The following CACNA1C variants were observed in gnomAD, a reference collection of about 807,000 sequenced individuals.
CACNA1C encodes voltage-dependent L-type calcium channel subunit alpha-1C.
In CACNA1C, 30 loss-of-function variants were observed where a neutral mutation model predicts 229.0. That is an observed-to-expected ratio of 0.13 (90% CI 0.10 to 0.18). The LOEUF is 0.18. Ranked by LOEUF, CACNA1C falls within the 10% of genes least tolerant of loss-of-function variation. The pLI, the probability that CACNA1C is intolerant of heterozygous loss-of-function variation, is 1.00. For missense variants in CACNA1C, 1,658 were observed against 2,845.0 expected (o/e 0.58, Z 9.49); for synonymous variants, 1,114 against 1,132.5 (o/e 0.98, Z 0.33).
In CACNA1C at chr12:2,665,063, C is replaced by G; in HGVS notation, c.4398+73C>G. On this transcript the variant is annotated intron_variant, in intron 35 of 46. Transcript: ENST00000399655. The surrounding 1 kb of genome is among the most constrained non-coding windows in gnomAD (Gnocchi z 5.9). ...CCAGGGCAGTCTGAACCGTCCATCT[C>G]TGCAGCTCATGGTCAGGGCAACCCT... 2.0e-6 allele frequency: 3 copies of G among 1,521,054 alleles called. No homozygotes were observed. Among genetic ancestry groups the G allele is most frequent in the Non-Finnish European group, 2.7e-6 (3 of 1,100,648 alleles). The allele number at this position is 1,521,054 out of a possible 1,614,324, so 94.2% of individuals were successfully genotyped here.
chr12:2,110,678 G>T (rs2081294722), intron 1 of CACNA1C, among the ~76,000 whole-genome samples: 1 of 152,178 alleles, frequency 6.6e-6, no homozygotes, highest in South Asian at 2.1e-4. Context: ...TTCGGTAGTT[G>T]TGCCACCCTG....
intron 8 of CACNA1C, among the ~76,000 whole-genome samples, chr12:2,506,017 C>T (rs911854656): frequency 6.6e-6 from 1 of 152,178 alleles, no homozygotes; most frequent in African/African-American, 2.4e-5. Flanking sequence ...ACTCCCAGCT[C>T]CTACAGCTGC....
At chr12:2,451,105 C>T (rs2099365239) in intron 4 of CACNA1C, among the ~76,000 whole-genome samples, 1 of 152,150 alleles carries the variant, frequency 6.6e-6, no homozygotes, top group African/African-American at 2.4e-5. Flanking sequence ...ACGAGGTGCA[C>T]TAAGGTTATT....
At chr12:2,023,719 T>C (rs1474856331) in intron 1 of CACNA1C, among the ~76,000 whole-genome samples, 1 of 152,190 alleles carries the variant, frequency 6.6e-6, no homozygotes, top group Non-Finnish European at 1.5e-5. Flanking sequence ...TAAGTCCAGT[T>C]TGACAAAAAT....
At chr12:2,028,544 G>A (rs1377188085) in intron 1 of CACNA1C, among the ~76,000 whole-genome samples, 1 of 152,014 alleles carries the variant, frequency 6.6e-6, no homozygotes, top group Non-Finnish European at 1.5e-5. Flanking sequence ...CTTTTATCCA[G>A]GACAAGCATG....
intron 9 of CACNA1C, among the ~76,000 whole-genome samples, chr12:2,544,448 T>C (rs1236036816): frequency 2.0e-5 from 3 of 152,260 alleles, no homozygotes; most frequent in Non-Finnish European, 4.4e-5. Flanking sequence ...TGTTTCCTTC[T>C]GTGAGTGGTG....
chr12:2,148,470 A>G (rs916901117), intron 3 of CACNA1C, among the ~76,000 whole-genome samples: 1 of 151,186 alleles, frequency 6.6e-6, no homozygotes, highest in Admixed American at 6.6e-5. Context: ...TCTTCCCTCT[A>G]GCTGCCATTT....
intron 3 of CACNA1C, among the ~76,000 whole-genome samples, chr12:2,183,664 G>A (rs1218903759): frequency 1.3e-5 from 2 of 152,224 alleles, no homozygotes; most frequent in African/African-American, 2.4e-5. Context: ...CACAGAGAGT[G>A]GGGCTGGAGA....
At chr12:2,321,876 T>C (rs2096017094) in intron 3 of CACNA1C, among the ~76,000 whole-genome samples, 2 of 152,174 alleles carry the variant, frequency 1.3e-5, no homozygotes, top group South Asian at 4.1e-4. Flanking sequence ...TCCTCGAAGG[T>C]AAAGTCTGGA....
rs140844924 is a variant in CACNA1C at position 2,054,737 on chromosome 12, C to T, written c.49+1126C>T. Among the ~76,000 whole-genome samples the T allele has an allele frequency of 1.2e-3, 189 of 152,182 alleles. No homozygotes were observed. The highest frequency in any genetic ancestry group is 4.5e-3 in the African/African-American group (185 of 41,502). ...CTCTGTCTCTTTGGGTGTAGTCTCT[C>T]CCTTTTCTCTCCCAGTTCCCAGAGC... On this transcript the variant is annotated intron_variant, in intron 1 of 46. Coordinates refer to ENST00000399655, the MANE Select transcript of CACNA1C (RefSeq NM_000719.7). This position sits in a 1 kb window ranked among gnomAD's most constrained non-coding sequence, Gnocchi z 5.5.
chr12:2,525,769 TG>T (rs2099817610), intron 9 of CACNA1C, among the ~76,000 whole-genome samples: 1 of 152,342 alleles, frequency 6.6e-6, no homozygotes, highest in South Asian at 2.1e-4. Context: ...CTCATGCCTC[TG>T]GTGACAGCTG....
At chr12:2,554,343 C>T (rs1300549183) in intron 10 of CACNA1C, among the ~76,000 whole-genome samples, 1 of 152,146 alleles carries the variant, frequency 6.6e-6, no homozygotes, top group Non-Finnish European at 1.5e-5. Flanking sequence ...TTCTGATGGT[C>T]TCATGTTCCT....
chr12:2,480,208 AGACGG>A (rs2099668931), intron 5 of CACNA1C, among the ~76,000 whole-genome samples: 1 of 152,304 alleles, frequency 6.6e-6, no homozygotes, highest in South Asian at 2.1e-4. Flanking sequence ...TGGGGCTGAC[AGACGG>A]AGAGCCCTGG....
chr12:2,395,580 G>A (rs906952617), intron 3 of CACNA1C, among the ~76,000 whole-genome samples: 1 of 152,120 alleles, frequency 6.6e-6, no homozygotes, highest in Non-Finnish European at 1.5e-5. Context: ...GCCAGAGGCT[G>A]TAGTTACAGG....
At chr12:2,008,547 C>A in intron 1 of CACNA1C, among the ~76,000 whole-genome samples, 1 of 151,812 alleles carries the variant, frequency 6.6e-6, no homozygotes, top group East Asian at 1.9e-4. Context: ...TTCTTTTGAA[C>A]TAAACCCTGA....
rs947345887 is a variant in CACNA1C at position 2,486,576 on chromosome 12, C to T, written c.916+314C>T. On this transcript the variant is annotated intron_variant, in intron 6 of 46. Coordinates refer to ENST00000399655, the MANE Select transcript of CACNA1C (RefSeq NM_000719.7). The surrounding 1 kb of genome is among the most constrained non-coding windows in gnomAD (Gnocchi z 4.9). Reference sequence around the variant, plus strand: ...GTCAATCTACGACTTTTCAAGCCAACCCTGAGTATTTTAAGAATCAGAGCT... The same window carrying T: ...GTCAATCTACGACTTTTCAAGCCAATCCTGAGTATTTTAAGAATCAGAGCT... Among the ~76,000 whole-genome samples, 1 of 152,214 alleles carries T rather than the reference C, an allele frequency of 6.6e-6. No homozygotes were observed. The highest frequency in any genetic ancestry group is 1.5e-5 in the Non-Finnish European group (1 of 68,032).
intron 5 of CACNA1C, among the ~76,000 whole-genome samples, chr12:2,473,800 C>T (rs1213741413): frequency 6.6e-6 from 1 of 152,132 alleles, no homozygotes; most frequent in Non-Finnish European, 1.5e-5. Flanking sequence ...ATTTTTACCA[C>T]TATAGAAAAT....
At chr12:2,333,648 C>T (rs368287256) in intron 3 of CACNA1C, among the ~76,000 whole-genome samples, 6 of 152,276 alleles carry the variant, frequency 3.9e-5, no homozygotes, top group African/African-American at 9.6e-5. Flanking sequence ...CAAGGCGTAA[C>T]GACAGGGGAC....
chr12:2,460,133 G>A (rs1450845074), intron 5 of CACNA1C, among the ~76,000 whole-genome samples: 1 of 152,198 alleles, frequency 6.6e-6, no homozygotes, highest in Non-Finnish European at 1.5e-5. Context: ...AGCCCAGGTC[G>A]AAGGAGCCCT....
Sources: allele counts gnomAD v4.1 joint callset (sites outside exome capture counted in the v4.1 genomes callset), GRCh38; gene constraint gnomAD v4.1.1; non-coding constraint Gnocchi (gnomAD v3.1); transcripts MANE v1.5; gene names NCBI Gene and HGNC (gene_info 2026-07-23, HGNC 2026-07-21).